PPFIBP1: variants seen among roughly 807,000 people sequenced by gnomAD.
PPFIBP1 encodes the protein PPFIB scaffold protein 1.
PPFIBP1 carries 112 observed loss-of-function variants against 137.8 expected under a neutral mutation model. That is an observed-to-expected ratio of 0.81 (90% CI 0.70 to 0.95). PPFIBP1 has a LOEUF of 0.95. PPFIBP1 is among the 40% of genes least tolerant of loss of function. The pLI, the probability that PPFIBP1 is intolerant of heterozygous loss-of-function variation, is 0.00. For missense variants in PPFIBP1, 1,083 were observed against 1,196.6 expected, an observed-to-expected ratio of 0.91 and a Z score of 1.40; for synonymous variants, 378 against 417.3, an observed-to-expected ratio of 0.91 and a Z score of 1.15.
At chr12:27,684,195 A>C (rs1321996617) in intron 24 of PPFIBP1, among the ~76,000 whole-genome samples, 1 of 150,390 alleles carries the variant, frequency 6.6e-6, no homozygotes, top group East Asian at 2.0e-4. Context: ...GGCAACCTCC[A>C]CCTCCCAGGT....
chr12:27,534,170 C>T (rs892337233), intron 1 of PPFIBP1, among the ~76,000 whole-genome samples: 1 of 152,032 alleles, frequency 6.6e-6, no homozygotes, highest in Admixed American at 6.6e-5. Context: ...GGAATGAGTG[C>T]ATGGTCCAGG....
At position 27,680,078 on chromosome 12, in the gene PPFIBP1, G is replaced by A; in HGVS notation, c.1895+17G>A. 2 of 1,613,082 alleles carry A rather than the reference G, an allele frequency of 1.2e-6. No homozygotes were observed. Among genetic ancestry groups the A allele is most frequent in the Non-Finnish European group, 1.7e-6 (2 of 1,179,394 alleles). ...GTCTAACAGGTAAGAAGAGCCAACT[G>A]ATAGACTTTTGCATCTCTACCAAGC... On this transcript the variant is annotated intron_variant, in intron 21 of 29. Coordinates refer to ENST00000228425, the MANE Select transcript of PPFIBP1 (RefSeq NM_003622.4).
At chr12:27,573,896 T>G (rs1057310623) in intron 1 of PPFIBP1, among the ~76,000 whole-genome samples, 3 of 152,038 alleles carry the variant, frequency 2.0e-5, no homozygotes, top group African/African-American at 4.8e-5. Flanking sequence ...GCAAGAGGAT[T>G]GCTGGAGCCC....
chr12:27,602,171 GCTAA>G (rs771272127), intron 2 of PPFIBP1, among the ~76,000 whole-genome samples: 29 of 152,306 alleles, frequency 1.9e-4, no homozygotes, highest in Non-Finnish European at 3.8e-4. Flanking sequence ...TCAGGATTGG[GCTAA>G]CTTTCTTGAC....
At chr12:27,534,382 A>C (rs1045435120) in intron 1 of PPFIBP1, among the ~76,000 whole-genome samples, 2 of 152,208 alleles carry the variant, frequency 1.3e-5, no homozygotes, top group African/African-American at 4.8e-5. Flanking sequence ...AAGCAGTGAA[A>C]GGAAATTCAC....
rs185171187 is a variant in PPFIBP1 at position 27,607,612 on chromosome 12, A to T, written c.-35-25750A>T. Reference sequence around the variant, plus strand: ...GAGCCTGAGAATTTGCATTTTTCTGACAAGTTCTCAAGTTATGCTGGTCTG... The same window carrying T: ...GAGCCTGAGAATTTGCATTTTTCTGTCAAGTTCTCAAGTTATGCTGGTCTG... On this transcript the variant is annotated intron_variant, in intron 2 of 29. Transcript: ENST00000228425. 7.9e-5 allele frequency among the ~76,000 whole-genome samples: 12 copies of T among 152,290 alleles called. No individual in the cohort carries two copies. The East Asian group carries it at 2.1e-3, about 27-fold the overall frequency.
rs150357191 is a variant in PPFIBP1 at position 27,616,737 on chromosome 12, A to G, written c.-35-16625A>G. Among the ~76,000 whole-genome samples the G allele has an allele frequency of 1.2e-3, 187 of 152,356 alleles. 1 individual carries two copies. Among genetic ancestry groups the G allele is most frequent in the Non-Finnish European group, 1.6e-3 (107 of 68,032 alleles). On this transcript the variant is annotated intron_variant, in intron 2 of 29. Transcript: ENST00000228425. ...TGTGATGGAAGGCCAGGGGCCAAGA[A>G]CAGACAAGCAAGTCTACAAAGGAGC...
chr12:27,612,328 GTTTTTTTTT>G (rs1173958726), intron 2 of PPFIBP1, among the ~76,000 whole-genome samples: 1 of 87,234 alleles, frequency 1.1e-5, no homozygotes, highest in Non-Finnish European at 2.2e-5. Context: ...CTTTATTGGT[GTTTTTTTTT>G]TTTTTTTTTT....
intron 2 of PPFIBP1, among the ~76,000 whole-genome samples, chr12:27,600,766 A>G (rs1407272308): frequency 6.6e-6 from 1 of 152,172 alleles, no homozygotes; most frequent in Non-Finnish European, 1.5e-5. Context: ...ACAGAGTAGT[A>G]TATACTTAGT....
intron 2 of PPFIBP1, among the ~76,000 whole-genome samples, chr12:27,614,798 C>T (rs1238786991): frequency 2.0e-5 from 3 of 152,064 alleles, no homozygotes; most frequent in Non-Finnish European, 2.9e-5. Context: ...GTTATATAAC[C>T]GGAATCAAAG....
intron 2 of PPFIBP1, among the ~76,000 whole-genome samples, chr12:27,622,049 G>T (rs528566046): frequency 8.5e-5 from 13 of 152,332 alleles, no homozygotes; most frequent in Admixed American, 2.6e-4. Flanking sequence ...TCTGAACTTA[G>T]CAGCCCATCC....
intron 2 of PPFIBP1, among the ~76,000 whole-genome samples, chr12:27,581,022 G>A (rs967533662): frequency 6.6e-6 from 1 of 151,930 alleles, no homozygotes; most frequent in African/African-American, 2.4e-5. Context: ...AGTCTCCTGA[G>A]TAACTGGGAC....
intron 2 of PPFIBP1, chr12:27,593,715 A>C (rs2052822423): frequency 1.6e-6 from 1 of 621,576 alleles, no homozygotes; most frequent in African/African-American, 1.9e-5. Flanking sequence ...GGCTCCATTT[A>C]GAAGCCTATT....
intron 1 of PPFIBP1, among the ~76,000 whole-genome samples, chr12:27,556,422 G>A (rs1028551211): frequency 2.0e-5 from 3 of 152,168 alleles, no homozygotes; most frequent in Non-Finnish European, 4.4e-5. Flanking sequence ...GAGCTATCAT[G>A]GTAATACCCA....
intron 5 of PPFIBP1, 137 bp downstream of exon 5, chr12:27,646,285 G>A: frequency 2.8e-6 from 2 of 722,518 alleles, no homozygotes; most frequent in East Asian, 2.8e-5. Context: ...GTACACAATA[G>A]GGAGTGGTGA....
chr12:27,641,037 C>T (rs932108340), intron 4 of PPFIBP1, among the ~76,000 whole-genome samples: 6 of 152,118 alleles, frequency 3.9e-5, no homozygotes, highest in East Asian at 3.8e-4. Context: ...ATCAAGACTG[C>T]GTGACAATTT....
chr12:27,664,467 T>A, intron 12 of PPFIBP1, 21 bp downstream of exon 12: 1 of 1,536,052 alleles, frequency 6.5e-7, no homozygotes, highest in South Asian at 1.1e-5. Flanking sequence ...GCTCTAAAAG[T>A]TTTTCTACTT....
chr12:27,614,540 C>T (rs2055531829), intron 2 of PPFIBP1, among the ~76,000 whole-genome samples: 1 of 152,156 alleles, frequency 6.6e-6, no homozygotes, highest in South Asian at 2.1e-4. Context: ...GTTCATGGTT[C>T]TGCTTAGCTT....
intron 1 of PPFIBP1, among the ~76,000 whole-genome samples, chr12:27,571,586 G>C (rs1033474333): frequency 6.6e-6 from 1 of 152,072 alleles, no homozygotes; most frequent in Non-Finnish European, 1.5e-5. Flanking sequence ...TACTGTTCTT[G>C]CTGGGTCAGT....
Sources: allele counts gnomAD v4.1 joint callset (sites outside exome capture counted in the v4.1 genomes callset), GRCh38; gene constraint gnomAD v4.1.1; transcripts MANE v1.5; gene names NCBI Gene and HGNC (gene_info 2026-07-23, HGNC 2026-07-21).